LRRC7: variants seen among roughly 807,000 people sequenced by gnomAD.
LRRC7 encodes leucine-rich repeat-containing protein 7.
Under a neutral mutation model 175.7 loss-of-function variants are expected in LRRC7, and 23 were observed. The ratio of observed to expected loss-of-function variants is 0.13; its 90% confidence interval spans 0.09 to 0.19. The LOEUF (loss-of-function observed/expected upper bound fraction) is 0.19. Among genes scored for constraint, LRRC7 ranks in the 10% least tolerant of loss-of-function variants. The pLI, the probability that LRRC7 is intolerant of heterozygous loss-of-function variation, is 1.00. For missense variants in LRRC7, 1,354 were observed against 1,904.7 expected, an observed-to-expected ratio of 0.71 and a Z score of 5.38; for synonymous variants, 685 against 680.9, an observed-to-expected ratio of 1.01 and a Z score of -0.09.
chr1:70,051,671 A>G (rs1295295878), intron 22 of LRRC7, among the ~76,000 whole-genome samples: 3 of 151,082 alleles, frequency 2.0e-5, no homozygotes, highest in Non-Finnish European at 4.4e-5. Context: ...TTTTTTTCAT[A>G]CTTTTTGATA....
At chr1:69,815,811 AG>A (rs1678517895) in intron 4 of LRRC7, among the ~76,000 whole-genome samples, 1 of 152,088 alleles carries the variant, frequency 6.6e-6, no homozygotes. Context: ...CTATCTCATG[AG>A]GGCCTGTTCC....
intron 26 of LRRC7, among the ~76,000 whole-genome samples, chr1:70,115,287 C>T (rs1248555757): frequency 1.3e-5 from 2 of 152,156 alleles, no homozygotes; most frequent in Non-Finnish European, 2.9e-5. Flanking sequence ...CCTGCAGAAG[C>T]ATTTTTTGTG....
intron 1 of LRRC7, 33 bp from the exon 2 acceptor site, chr1:69,678,348 G>T (rs1660054131): frequency 2.8e-6 from 4 of 1,416,898 alleles, no homozygotes; most frequent in Non-Finnish European, 3.9e-6. Context: ...AAAAAAAAGA[G>T]TATGAAAATA....
chr1:69,578,792 T>A (rs1464312717), intron 1 of LRRC7, among the ~76,000 whole-genome samples: 1 of 74,626 alleles, frequency 1.3e-5, no homozygotes, highest in Non-Finnish European at 2.4e-5. Flanking sequence ...GGGACTGTTG[T>A]GGGGTGGGGG....
At chr1:69,890,376 T>G (rs770352078) in intron 7 of LRRC7, among the ~76,000 whole-genome samples, 35 of 152,228 alleles carry the variant, frequency 2.3e-4, no homozygotes, top group Admixed American at 9.8e-4. Context: ...TTGAAAGGAA[T>G]CTTTGTTTCT....
At chr1:69,822,818 G>T (rs904865624) in intron 4 of LRRC7, among the ~76,000 whole-genome samples, 2 of 152,124 alleles carry the variant, frequency 1.3e-5, no homozygotes, top group Non-Finnish European at 2.9e-5. Context: ...GAATTTGTCC[G>T]CTGGACTCCC....
At chr1:69,849,445 A>T (rs1045679313) in intron 7 of LRRC7, among the ~76,000 whole-genome samples, 10 of 152,060 alleles carry the variant, frequency 6.6e-5, no homozygotes, top group Non-Finnish European at 1.2e-4. Context: ...GAATTTTCAG[A>T]AGAAAATGGA....
At chr1:69,775,144 G>A (rs759467013) in intron 3 of LRRC7, among the ~76,000 whole-genome samples, 13 of 152,176 alleles carry the variant, frequency 8.5e-5, no homozygotes, top group East Asian at 7.7e-4. Flanking sequence ...TTATCAATGC[G>A]TCTTATAAAA....
chr1:69,584,623 GTAATAA>G (rs1646334021), intron 1 of LRRC7, among the ~76,000 whole-genome samples: 1 of 152,056 alleles, frequency 6.6e-6, no homozygotes, highest in East Asian at 1.9e-4. Flanking sequence ...CACTATTACC[GTAATAA>G]TTCTTTAGAA....
At chr1:69,782,183 C>A (rs1239626313) in intron 3 of LRRC7, among the ~76,000 whole-genome samples, 3 of 152,140 alleles carry the variant, frequency 2.0e-5, no homozygotes, top group African/African-American at 7.2e-5. Context: ...TAGGCACACA[C>A]AAAAATGGTG....
intron 1 of LRRC7, among the ~76,000 whole-genome samples, chr1:69,573,708 AATAC>A (rs112353332): frequency 0.15 from 22,864 of 152,060 alleles, 1,877 homozygotes; most frequent in Admixed American, 0.19. Context: ...AAAAATATTA[AATAC>A]ATTAATAACC....
At position 69,923,209 on chromosome 1, in the gene LRRC7, G is replaced by A. The variant is rs538091272; in HGVS notation, c.648-8298G>A. On this transcript the variant is annotated intron_variant, in intron 7 of 26. Transcript: ENST00000651989. ...ATATGTGCCACATTTTCTTAATCCGGTCTATCATTGTTGGACATTTGGGTT... is the reference window on the plus strand; with the variant it reads ...ATATGTGCCACATTTTCTTAATCCGATCTATCATTGTTGGACATTTGGGTT... 3.9e-5 allele frequency among the ~76,000 whole-genome samples: 6 copies of A among 152,148 alleles called. No homozygotes were observed. In the East Asian group the frequency reaches 9.7e-4, roughly 25 times the overall value.
At chr1:69,707,730 T>C (rs1664224809) in intron 2 of LRRC7, among the ~76,000 whole-genome samples, 1 of 152,192 alleles carries the variant, frequency 6.6e-6, no homozygotes, top group Non-Finnish European at 1.5e-5. Flanking sequence ...AAGTCATCTC[T>C]AGACTAGATT....
chr1:70,027,429 T>C (rs993692673), intron 17 of LRRC7, among the ~76,000 whole-genome samples: 11 of 152,146 alleles, frequency 7.2e-5, no homozygotes, highest in Middle Eastern at 3.2e-3. Flanking sequence ...AATTCAAGAA[T>C]GGAAATAAGT....
At chr1:69,608,606 T>G (rs921370475) in intron 1 of LRRC7, among the ~76,000 whole-genome samples, 3 of 151,990 alleles carry the variant, frequency 2.0e-5, no homozygotes, top group Non-Finnish European at 4.4e-5. Context: ...ATTCAGTTCC[T>G]AATATAATTT....
chr1:69,801,145 G>A lies in LRRC7; in HGVS notation c.421+8985G>A, dbSNP rs571242689. On this transcript the variant is annotated intron_variant, in intron 4 of 26. Transcript: ENST00000651989. The stretch of plus-strand genomic sequence containing the variant: ...TACTAGTATTTTGTTGAGAATTTTT[G>A]CATCTATGTTCACAAGGATATTGAT... 4.0e-5 allele frequency among the ~76,000 whole-genome samples: 6 copies of A among 151,746 alleles called. 1 individual carries two copies. Among genetic ancestry groups the A allele is most frequent in the African/African-American group, 1.4e-4 (6 of 41,474 alleles).
chr1:69,650,539 C>CAAAAAAAAAA (rs574357981), intron 1 of LRRC7, among the ~76,000 whole-genome samples: 23 of 79,212 alleles, frequency 2.9e-4, no homozygotes, highest in African/African-American at 4.2e-4. Flanking sequence ...GACTCCGTCT[C>CAAAAAAAAAA]AAAAAAAAAA....
At chr1:69,883,417 G>C (rs1302134026) in intron 7 of LRRC7, among the ~76,000 whole-genome samples, 14 of 117,336 alleles carry the variant, frequency 1.2e-4, no homozygotes, top group Non-Finnish European at 1.7e-4. Context: ...GTCTTCTTTT[G>C]AGAAGTGTCT....
chr1:69,605,313 A>G (rs1433577889), intron 1 of LRRC7, among the ~76,000 whole-genome samples: 2 of 152,178 alleles, frequency 1.3e-5, no homozygotes, highest in African/African-American at 4.8e-5. Flanking sequence ...CTCTCCAGCC[A>G]CATGAAACTG....
Sources: gnomAD v4.1 joint callset for allele counts (sites outside exome capture counted in the v4.1 genomes callset) on GRCh38, gnomAD v4.1.1 for gene constraint, MANE v1.5 for transcripts, NCBI Gene and HGNC (gene_info 2026-07-23, HGNC 2026-07-21) for gene names.